The following PDE4D variants were observed in gnomAD, a reference collection of about 807,000 sequenced individuals.
PDE4D encodes 3',5'-cyclic-AMP phosphodiesterase 4D.
Under a neutral mutation model 87.4 loss-of-function variants are expected in PDE4D, and 24 were observed. That is an observed-to-expected ratio of 0.27 (90% confidence interval 0.20 to 0.39). PDE4D has a LOEUF of 0.39. Among genes scored for constraint, PDE4D ranks in the 10% least tolerant of loss-of-function variants. The probability of loss-of-function intolerance (pLI) is 1.00; values close to 1 mark genes in which losing one functional copy is unlikely to be tolerated. For missense variants in PDE4D, 714 were observed against 1,041.0 expected (o/e 0.69, Z 4.32); for synonymous variants, 384 against 383.2 (o/e 1.00, Z -0.02).
rs145796737 is a variant in PDE4D at position 59,860,599 on chromosome 5, A to G, written c.455+32569T>C. Among the ~76,000 whole-genome samples, 821 of 152,336 alleles carry G rather than the reference A, an allele frequency of 5.4e-3. 8 individuals carry two copies. Among genetic ancestry groups the G allele is most frequent in the African/African-American group, 0.019 (776 of 41,574 alleles). ...CAAGATGAAAATAGGTTTAAATCCT[A>G]AAAGACCACATTCTAATAAAAACAC... On this transcript the variant is annotated intron_variant, in intron 1 of 14. Transcript: ENST00000340635.
At chr5:59,696,383 C>T (rs372198974) in intron 1 of PDE4D, among the ~76,000 whole-genome samples, 3 of 152,158 alleles carry the variant, frequency 2.0e-5, no homozygotes, top group African/African-American at 4.8e-5. Flanking sequence ...AATGACTACA[C>T]ATCCTGGCCC....
chr5:60,328,639 T>A (rs748921758), intron 1 of PDE4D, among the ~76,000 whole-genome samples: 22 of 152,242 alleles, frequency 1.4e-4, no homozygotes, highest in Non-Finnish European at 2.5e-4. Flanking sequence ...TGTAGATTTT[T>A]TTGGGCTCAT....
chr5:59,570,084 C>T (rs1821575465), intron 1 of PDE4D, among the ~76,000 whole-genome samples: 1 of 152,154 alleles, frequency 6.6e-6, no homozygotes, highest in African/African-American at 2.4e-5. Flanking sequence ...ACTTGGCTTC[C>T]TGGAGACCGA....
chr5:59,339,097 C>A (rs562547471), intron 1 of PDE4D, among the ~76,000 whole-genome samples: 8 of 152,300 alleles, frequency 5.3e-5, no homozygotes, highest in African/African-American at 1.9e-4. Flanking sequence ...CCAAGCCCTA[C>A]CTTTGTCCTA....
chr5:60,337,404 C>CACAT (rs1176993676), intron 1 of PDE4D, among the ~76,000 whole-genome samples: 7 of 139,652 alleles, frequency 5.0e-5, no homozygotes. Context: ...CACACACACA[C>CACAT]ACATATATCA....
chr5:59,378,541 T>A (rs1391655268), intron 1 of PDE4D, among the ~76,000 whole-genome samples: 2 of 152,138 alleles, frequency 1.3e-5, no homozygotes, highest in Non-Finnish European at 2.9e-5. Context: ...GTTAGAAAAA[T>A]ACATAGTGAA....
chr5:60,424,267 G>A (rs563890605), intron 1 of PDE4D, among the ~76,000 whole-genome samples: 64 of 152,226 alleles, frequency 4.2e-4, no homozygotes, highest in Non-Finnish European at 4.6e-4. Flanking sequence ...GATGAACATC[G>A]ATGAGAAAAT....
At chr5:60,078,921 C>CA (rs1335684113) in intron 2 of PDE4D, among the ~76,000 whole-genome samples, 1 of 152,158 alleles carries the variant, frequency 6.6e-6, no homozygotes, top group African/African-American at 2.4e-5. Context: ...ATTGCTGGGT[C>CA]AAATAGTATT....
chr5:59,618,296 C>T (rs1319696741), intron 1 of PDE4D, among the ~76,000 whole-genome samples: 1 of 152,058 alleles, frequency 6.6e-6, no homozygotes, highest in Non-Finnish European at 1.5e-5. Flanking sequence ...GAGGAGTTAC[C>T]TTGACAGGAA....
rs371828874 is a variant in PDE4D at position 60,430,958 on chromosome 5, A to G, written c.-90+56984T>C. On this transcript the variant is annotated intron_variant, in intron 1 of 16. Coordinates refer to the PDE4D transcript ENST00000502484. Reference sequence around the variant, plus strand: ...TGTCTACCTCTTTCTACACAGACACAGCAACCATCCGATTTCTCAATCTTT... The same window carrying G: ...TGTCTACCTCTTTCTACACAGACACGGCAACCATCCGATTTCTCAATCTTT... The G allele has an allele frequency of 3.2e-3, 930 of 286,544 alleles. 13 individuals carry two copies. In the East Asian group the frequency reaches 0.04, roughly 12 times the overall value. 17.8% of individuals were successfully genotyped at this position (286,544 alleles called of 1,614,324 possible). A position where few individuals can be genotyped will look rare whatever the true frequency, so the allele number is the denominator to read the frequency against.
chr5:60,352,610 G>C (rs1759298237), intron 1 of PDE4D, among the ~76,000 whole-genome samples: 1 of 152,222 alleles, frequency 6.6e-6, no homozygotes. Flanking sequence ...TCAATCTCTA[G>C]TTTGAATGAC....
chr5:60,207,074 A>G (rs1343209915), intron 1 of PDE4D, among the ~76,000 whole-genome samples: 1 of 152,228 alleles, frequency 6.6e-6, no homozygotes, highest in African/African-American at 2.4e-5. Flanking sequence ...CATAAGGTGT[A>G]TGGATAAGCA....
At chr5:59,561,036 T>C (rs1053667156) in intron 1 of PDE4D, 2 of 152,224 alleles carry the variant, frequency 1.3e-5, no homozygotes, top group African/African-American at 2.4e-5. Context: ...GTTTTCTTCT[T>C]CCAACCCCAC....
chr5:59,363,398 G>A (rs1367645500), intron 1 of PDE4D, among the ~76,000 whole-genome samples: 1 of 152,210 alleles, frequency 6.6e-6, no homozygotes, highest in Admixed American at 6.5e-5. Context: ...TACAGCCAAT[G>A]AGTAGCAGAT....
At chr5:60,359,666 C>T (rs1251056251) in intron 1 of PDE4D, among the ~76,000 whole-genome samples, 3 of 152,210 alleles carry the variant, frequency 2.0e-5, no homozygotes, top group South Asian at 2.1e-4. Flanking sequence ...ACAAGGACAA[C>T]ACTTTCAGTA....
chr5:59,758,033 T>C (rs538954278), intron 1 of PDE4D, among the ~76,000 whole-genome samples: 1 of 152,332 alleles, frequency 6.6e-6, no homozygotes, highest in South Asian at 2.1e-4. Flanking sequence ...ATATTCATTG[T>C]TATAACTTCA....
chr5:59,550,316 C>G lies in PDE4D; in HGVS notation c.456-334348G>C, dbSNP rs190075295. On this transcript the variant is annotated intron_variant, in intron 1 of 14. Coordinates refer to ENST00000340635, the MANE Select transcript of PDE4D (RefSeq NM_001104631.2). Reference sequence around the variant, plus strand: ...CTCATTTTTTTTCTTGGCACATTTTCAGTTTTCCACTATAATAAACATTGA... The same window carrying G: ...CTCATTTTTTTTCTTGGCACATTTTGAGTTTTCCACTATAATAAACATTGA... 1.9e-3 allele frequency among the ~76,000 whole-genome samples: 294 copies of G among 152,114 alleles called. 8 individuals carry two copies. The highest frequency in any genetic ancestry group is 2.0e-3 in the Non-Finnish European group (134 of 67,996).
At chr5:60,189,174 C>A (rs879071502) in intron 1 of PDE4D, among the ~76,000 whole-genome samples, 11 of 152,136 alleles carry the variant, frequency 7.2e-5, no homozygotes, top group Admixed American at 2.6e-4. Context: ...TCAGCTCCTG[C>A]AGGGAGAACA....
At chr5:59,003,674 A>G (rs1750990872) in intron 6 of PDE4D, among the ~76,000 whole-genome samples, 1 of 152,182 alleles carries the variant, frequency 6.6e-6, no homozygotes, top group African/African-American at 2.4e-5. Flanking sequence ...CACAATGGAG[A>G]GAAAGAAGGG....
Sources: allele counts gnomAD v4.1 joint callset (sites outside exome capture counted in the v4.1 genomes callset), GRCh38; gene constraint gnomAD v4.1.1; transcripts MANE v1.5; gene names NCBI Gene and HGNC (gene_info 2026-07-23, HGNC 2026-07-21).